The following BCL2L14 variants were observed in gnomAD, a reference collection of about 807,000 sequenced individuals.
The protein encoded by BCL2L14 is BCL2 like 14.
Under a neutral mutation model 35.3 loss-of-function variants are expected in BCL2L14, and 27 were observed. That is an observed-to-expected ratio of 0.76 (90% confidence interval 0.56 to 1.05). The LOEUF is 1.05. Ranked by LOEUF, BCL2L14 falls within the 50% of genes least tolerant of loss-of-function variation. The probability of loss-of-function intolerance (pLI) is 0.00; values close to 1 mark genes in which losing one functional copy is unlikely to be tolerated. For missense variants in BCL2L14, 377 were observed against 382.6 expected (o/e 0.99, Z 0.12); for synonymous variants, 139 against 145.9 (o/e 0.95, Z 0.34).
At chr12:12,074,868 C>A (rs1319088813) in intron 1 of BCL2L14, among the ~76,000 whole-genome samples, 1 of 152,164 alleles carries the variant, frequency 6.6e-6, no homozygotes, top group East Asian at 1.9e-4. Context: ...GTCTCCAAAT[C>A]CAGGTCTCAA....
At chr12:12,095,192 TGAG>T (rs1949288685) in intron 5 of BCL2L14, 1 of 985,120 alleles carries the variant, frequency 1.0e-6, no homozygotes, top group Admixed American at 6.2e-5. Context: ...GAACAGGAAA[TGAG>T]GAGATGCTGA....
chr12:12,069,305 C>G (rs914388938), upstream of BCL2L14, among the ~76,000 whole-genome samples: 8 of 152,248 alleles, frequency 5.3e-5, no homozygotes, highest in South Asian at 1.7e-3. Context: ...CCTCAGCATC[C>G]CAAAATGCTG....
intron 3 of BCL2L14, among the ~76,000 whole-genome samples, chr12:12,087,973 C>T (rs1342710674): frequency 6.6e-6 from 1 of 152,176 alleles, no homozygotes; most frequent in Non-Finnish European, 1.5e-5. Flanking sequence ...AGCCAAGTGC[C>T]ACTGGAAGAG....
intron 2 of BCL2L14, among the ~76,000 whole-genome samples, chr12:12,082,509 A>G (rs1948949945): frequency 1.3e-5 from 2 of 152,196 alleles, no homozygotes; most frequent in African/African-American, 4.8e-5. Context: ...GTTTTTCCTG[A>G]GATAAATTGC....
intron 2 of BCL2L14, among the ~76,000 whole-genome samples, chr12:12,058,093 T>A (rs11054649): frequency 6.7e-6 from 1 of 150,374 alleles, no homozygotes; most frequent in African/African-American, 2.5e-5. Context: ...GGACTACAGG[T>A]GTGTGCCACC....
chr12:12,095,881 T>A (rs1949303400), intron 5 of BCL2L14: 22 of 985,424 alleles, frequency 2.2e-5, no homozygotes, highest in Non-Finnish European at 2.7e-5. Context: ...CTTTCTATTT[T>A]CCACTTTTGC....
At chr12:12,051,683 A>C (rs1204165770) in intron 1 of BCL2L14, 1 of 152,210 alleles carries the variant, frequency 6.6e-6, no homozygotes, top group Non-Finnish European at 1.5e-5. Context: ...AGTCCACATT[A>C]TACAATCTTA....
chr12:12,070,482 C>T (rs923322759), upstream of BCL2L14, among the ~76,000 whole-genome samples: 6 of 152,072 alleles, frequency 3.9e-5, no homozygotes, highest in African/African-American at 9.7e-5. Flanking sequence ...GCCAGGAGTT[C>T]GAGACCAACA....
intron 1 of BCL2L14, among the ~76,000 whole-genome samples, chr12:12,051,506 T>C (rs1034644368): frequency 3.3e-5 from 5 of 152,138 alleles, no homozygotes; most frequent in African/African-American, 1.2e-4. Flanking sequence ...CCTCATTAAA[T>C]GATTGTCACT....
chr12:12,093,939 A>G (rs2057617219), intron 4 of BCL2L14, among the ~76,000 whole-genome samples: 1 of 151,682 alleles, frequency 6.6e-6, no homozygotes, highest in Non-Finnish European at 1.5e-5. Context: ...CTCTATCTCT[A>G]CAAAAAAATA....
At chr12:12,096,687 T>C (rs1949319092) in intron 5 of BCL2L14, among the ~76,000 whole-genome samples, 1 of 152,192 alleles carries the variant, frequency 6.6e-6, no homozygotes, top group African/African-American at 2.4e-5. Flanking sequence ...CAAAGCAACA[T>C]TGAGCTCTAT....
chr12:12,088,893 C>A (rs1321364375), intron 3 of BCL2L14, among the ~76,000 whole-genome samples: 1 of 149,500 alleles, frequency 6.7e-6, no homozygotes, highest in Non-Finnish European at 1.5e-5. Context: ...TAAAAAAAAA[C>A]AGTGTGACAT....
intron 4 of BCL2L14, among the ~76,000 whole-genome samples, chr12:12,091,345 G>A (rs893652367): frequency 1.1e-4 from 16 of 152,208 alleles, no homozygotes; most frequent in African/African-American, 3.9e-4. Context: ...GTGTTACTGG[G>A]AGAATGTATG....
chr12:12,092,566 C>T (rs556386660), intron 4 of BCL2L14, among the ~76,000 whole-genome samples: 13 of 152,186 alleles, frequency 8.5e-5, no homozygotes, highest in African/African-American at 2.4e-4. Context: ...CAGGTGCACC[C>T]GAGAGGGACA....
intron 1 of BCL2L14, among the ~76,000 whole-genome samples, chr12:12,050,793 T>TAAAAAAAAAAAAAAAAAAAA (rs3052084): frequency 3.4e-5 from 3 of 88,328 alleles, no homozygotes; most frequent in African/African-American, 1.0e-4. Context: ...GCTGATGAGC[T>TAAAAAAAAAAAAAAAAAAAA]AAAAAAAAAA....
chr12:12,069,661 T>C (rs1948638872), upstream of BCL2L14, among the ~76,000 whole-genome samples: 1 of 142,852 alleles, frequency 7.0e-6, no homozygotes, highest in African/African-American at 2.6e-5. Context: ...TGAGCCAAGA[T>C]CGCACCACTG....
At chr12:12,089,049 C>T (rs11054678) in intron 3 of BCL2L14, among the ~76,000 whole-genome samples, 16,635 of 152,222 alleles carry the variant, frequency 0.11, 1,025 homozygotes, top group Non-Finnish European at 0.12. Flanking sequence ...CCCAATATAT[C>T]GAGACAGATC....
chr12:12,082,302 CCT>C (rs1161095591), intron 2 of BCL2L14, among the ~76,000 whole-genome samples: 5 of 152,206 alleles, frequency 3.3e-5, no homozygotes, highest in African/African-American at 1.2e-4. Flanking sequence ...GGAGCGGCCC[CCT>C]GTGGTCCTTC....
At chr12:12,062,142 C>G (rs1407060249) in intron 2 of BCL2L14, among the ~76,000 whole-genome samples, 2 of 151,708 alleles carry the variant, frequency 1.3e-5, no homozygotes, top group Non-Finnish European at 2.9e-5. Flanking sequence ...TTCCTCATAC[C>G]TGATGCATAT....
Sources: gnomAD v4.1 joint callset for allele counts (sites outside exome capture counted in the v4.1 genomes callset) on GRCh38, gnomAD v4.1.1 for gene constraint, MANE v1.5 for transcripts, NCBI Gene and HGNC (gene_info 2026-07-23, HGNC 2026-07-21) for gene names.